Variants in PITPNC1 observed in about 807,000 individuals in gnomAD.
PITPNC1 encodes the protein cytoplasmic phosphatidylinositol transfer protein 1.
Under a neutral mutation model 44.7 loss-of-function variants are expected in PITPNC1, and 18 were observed. The observed-to-expected ratio is 0.40, with a 90% CI of 0.28 to 0.60. The LOEUF (loss-of-function observed/expected upper bound fraction) is 0.60. Among genes scored for constraint, PITPNC1 ranks in the 20% least tolerant of loss-of-function variants. The pLI is 0.39. For missense variants in PITPNC1, 290 were observed against 418.4 expected (o/e 0.69, Z 2.68); for synonymous variants, 141 against 149.6 (o/e 0.94, Z 0.42).
At chr17:67,620,824 G>A (rs2041819951) in intron 5 of PITPNC1, among the ~76,000 whole-genome samples, 1 of 152,134 alleles carries the variant, frequency 6.6e-6, no homozygotes, top group Non-Finnish European at 1.5e-5. Flanking sequence ...TTAAATAAAA[G>A]CAGTTTACCT....
intron 1 of PITPNC1, among the ~76,000 whole-genome samples, chr17:67,404,522 T>TA (rs1440175045): frequency 2.6e-5 from 4 of 152,214 alleles, no homozygotes; most frequent in Non-Finnish European, 5.9e-5. Context: ...GTCAGGGCTT[T>TA]AAAAATACAT....
chr17:67,631,050 G>GTTATTA (rs201066540), intron 5 of PITPNC1, among the ~76,000 whole-genome samples: 7,154 of 133,960 alleles, frequency 0.053, 246 homozygotes, highest in East Asian at 0.1. Flanking sequence ...TGTTGTTGTT[G>GTTATTA]TTGTTATTAT....
At chr17:67,389,463 T>C (rs1163733880) in intron 1 of PITPNC1, among the ~76,000 whole-genome samples, 1 of 152,206 alleles carries the variant, frequency 6.6e-6, no homozygotes, top group African/African-American at 2.4e-5. Flanking sequence ...TTTATTGAAC[T>C]CCTGCTCTGT....
chr17:67,679,855 C>T (rs752263827), intron 8 of PITPNC1, among the ~76,000 whole-genome samples: 2 of 152,286 alleles, frequency 1.3e-5, no homozygotes, highest in Middle Eastern at 3.4e-3. Context: ...AAATAGGCAG[C>T]CCAGTTTCAC....
chr17:67,518,212 T>G lies in PITPNC1; in HGVS notation c.49-14590T>G, dbSNP rs549540365. Among the ~76,000 whole-genome samples, 3 of 152,328 alleles carry G rather than the reference T, an allele frequency of 2.0e-5. No individual in the cohort carries two copies. The South Asian group carries it at 6.2e-4, about 32-fold the overall frequency. ...CAAATAGAAGTGCTGTTTCAGGTCATGCCTACCACCACTCCTGGGTTCCCT... is the reference window on the plus strand; with the variant it reads ...CAAATAGAAGTGCTGTTTCAGGTCAGGCCTACCACCACTCCTGGGTTCCCT... On this transcript the variant is annotated intron_variant, in intron 1 of 8. Transcript: ENST00000581322.
At chr17:67,583,266 C>T (rs117302452) in intron 5 of PITPNC1, among the ~76,000 whole-genome samples, 2,503 of 152,184 alleles carry the variant, frequency 0.016, 32 homozygotes, top group South Asian at 0.046. Context: ...AGGGTCTAGA[C>T]CAGCAGTTCT....
intron 5 of PITPNC1, among the ~76,000 whole-genome samples, chr17:67,585,846 C>A (rs1315521358): frequency 6.6e-6 from 1 of 152,158 alleles, no homozygotes; most frequent in Non-Finnish European, 1.5e-5. Context: ...CACGTGAAGA[C>A]GTAGGGAGAA....
At chr17:67,400,005 C>T (rs1419876926) in intron 1 of PITPNC1, among the ~76,000 whole-genome samples, 1 of 152,182 alleles carries the variant, frequency 6.6e-6, no homozygotes, top group Non-Finnish European at 1.5e-5. Flanking sequence ...TGATCTCATG[C>T]AATACGGAGC....
chr17:67,538,943 A>G (rs947304341), intron 2 of PITPNC1, among the ~76,000 whole-genome samples: 1 of 151,958 alleles, frequency 6.6e-6, no homozygotes, highest in African/African-American at 2.4e-5. Flanking sequence ...AAAAAAAAAG[A>G]AAAACTCTTA....
At chr17:67,509,823 G>A (rs968784806) in intron 1 of PITPNC1, among the ~76,000 whole-genome samples, 5 of 152,168 alleles carry the variant, frequency 3.3e-5, no homozygotes, top group African/African-American at 1.2e-4. Flanking sequence ...AATGGTGGCT[G>A]AGTTTTTATT....
At chr17:67,601,463 G>A (rs1011740287) in intron 5 of PITPNC1, among the ~76,000 whole-genome samples, 1 of 152,100 alleles carries the variant, frequency 6.6e-6, no homozygotes, top group African/African-American at 2.4e-5. Flanking sequence ...ACAAGAGGAA[G>A]AGCAGCTGGG....
At chr17:67,382,447 T>G (rs1202198424) in intron 1 of PITPNC1, among the ~76,000 whole-genome samples, 1 of 152,200 alleles carries the variant, frequency 6.6e-6, no homozygotes, top group African/African-American at 2.4e-5. Context: ...AAACATTTCA[T>G]TGGAATAGTC....
At chr17:67,656,289 T>C (rs1567761656) in intron 6 of PITPNC1, among the ~76,000 whole-genome samples, 1 of 152,144 alleles carries the variant, frequency 6.6e-6, no homozygotes, top group Non-Finnish European at 1.5e-5. Flanking sequence ...GGACCATCCT[T>C]CCTTTCATCT....
chr17:67,479,559 T>C (rs1196489897), intron 1 of PITPNC1, among the ~76,000 whole-genome samples: 1 of 152,212 alleles, frequency 6.6e-6, no homozygotes, highest in Non-Finnish European at 1.5e-5. Context: ...CTTTTGAATC[T>C]CAATTAGTAA....
At chr17:67,686,537 C>A (rs1424811565) in intron 8 of PITPNC1, among the ~76,000 whole-genome samples, 1 of 152,148 alleles carries the variant, frequency 6.6e-6, no homozygotes, top group Non-Finnish European at 1.5e-5. Context: ...AAATTTACAT[C>A]TGTGTGCAAG....
At chr17:67,437,488 G>A (rs2038953557) in intron 1 of PITPNC1, among the ~76,000 whole-genome samples, 1 of 152,116 alleles carries the variant, frequency 6.6e-6, no homozygotes, top group Non-Finnish European at 1.5e-5. Context: ...CCTTGATTTT[G>A]GGCTTCTACC....
intron 1 of PITPNC1, among the ~76,000 whole-genome samples, chr17:67,507,885 C>T (rs922519184): frequency 6.6e-6 from 1 of 151,920 alleles, no homozygotes; most frequent in African/African-American, 2.4e-5. Flanking sequence ...CCCATCGCTC[C>T]ATGGCTTCAC....
intron 6 of PITPNC1, chr17:67,632,550 C>A: frequency 3.5e-6 from 1 of 283,642 alleles, no homozygotes. Context: ...AAACAACAGT[C>A]TCCCCAATTA....
intron 5 of PITPNC1, among the ~76,000 whole-genome samples, chr17:67,622,710 T>C (rs1377507496): frequency 6.6e-6 from 1 of 151,862 alleles, no homozygotes; most frequent in Non-Finnish European, 1.5e-5. Flanking sequence ...ACCCCATCTC[T>C]ACTAAAAATA....
Sources: gnomAD v4.1 joint callset for allele counts (sites outside exome capture counted in the v4.1 genomes callset) on GRCh38, gnomAD v4.1.1 for gene constraint, MANE v1.5 for transcripts, NCBI Gene and HGNC (gene_info 2026-07-23, HGNC 2026-07-21) for gene names.